ST8SIA5: variants seen among roughly 807,000 people sequenced by gnomAD.
ST8SIA5 encodes alpha-2,8-sialyltransferase 8E.
In ST8SIA5, 24 loss-of-function variants were observed where a neutral mutation model predicts 40.2. That is an observed-to-expected ratio of 0.60 (90% CI 0.43 to 0.84). The LOEUF is 0.84. Ranked by LOEUF, ST8SIA5 falls within the 40% of genes least tolerant of loss-of-function variation. ST8SIA5 has a pLI of 0.00. For missense variants in ST8SIA5, 465 were observed against 498.5 expected, an observed-to-expected ratio of 0.93 and a Z score of 0.64; for synonymous variants, 198 against 201.8, an observed-to-expected ratio of 0.98 and a Z score of 0.16.
chr18:46,737,274 T>C (rs770539013), intron 1 of ST8SIA5, among the ~76,000 whole-genome samples: 6 of 152,096 alleles, frequency 3.9e-5, no homozygotes, highest in Admixed American at 6.6e-5. Flanking sequence ...CCCCGCCCCA[T>C]TGCTGTCTCC....
At chr18:46,721,383 C>G (rs1291095070) in intron 1 of ST8SIA5, 1 of 1,536,150 alleles carries the variant, frequency 6.5e-7, no homozygotes, top group Non-Finnish European at 8.7e-7. Flanking sequence ...GTCACTGCCG[C>G]TCTGCACTGC....
In ST8SIA5 at chr18:46,677,196, AG is replaced by A. The variant is rs1327366489; in HGVS notation, c.*2845del. 2 of 152,214 alleles carry A rather than the reference AG, an allele frequency of 1.3e-5. No individual in the cohort carries two copies. Among genetic ancestry groups the A allele is most frequent in the Non-Finnish European group, 2.9e-5 (2 of 68,046 alleles). 9.4% of individuals were successfully genotyped at this position (152,214 alleles called of 1,614,324 possible). On this transcript the variant is annotated 3_prime_UTR_variant, in exon 7 of 7. Coordinates refer to ENST00000315087, the MANE Select transcript of ST8SIA5 (RefSeq NM_013305.6). ...GGAGGAGGGCCCCGTACTATCCTGC[AG>A]GGGCATCTTGGTCAGGATCCCTCAT... is the stretch of plus-strand genomic sequence containing the variant.
At chr18:46,728,444 C>T (rs756688757) in intron 1 of ST8SIA5, among the ~76,000 whole-genome samples, 2 of 152,208 alleles carry the variant, frequency 1.3e-5, no homozygotes, top group African/African-American at 2.4e-5. Flanking sequence ...CAAGCATCCG[C>T]GAGTGCCCAC....
At position 46,692,070 on chromosome 18, in the gene ST8SIA5, C is replaced by G; in HGVS notation, c.311+99G>C. 2.4e-6 allele frequency: 3 copies of G among 1,268,334 alleles called. No individual in the cohort carries two copies. In the South Asian group the frequency reaches 3.7e-5, roughly 15 times the overall value. The allele number at this position is 1,268,334 out of a possible 1,614,324, so 78.6% of individuals were successfully genotyped here. A position where few individuals can be genotyped will look rare whatever the true frequency, so the allele number is the denominator to read the frequency against. On this transcript the variant is annotated intron_variant, in intron 3 of 6. Transcript: ENST00000315087. The stretch of plus-strand genomic sequence containing the variant: ...GTCAGGGTCTGCTCTGGGGAAGATG[C>G]ACGCTGAGAGCTGGGCCTTGCAGGA...
At chr18:46,721,466 G>C (rs1442971119) in intron 1 of ST8SIA5, 1 of 1,535,956 alleles carries the variant, frequency 6.5e-7, no homozygotes, top group Non-Finnish European at 8.7e-7. Context: ...CAAACTGGAG[G>C]CCTCTGGCAA....
chr18:46,724,348 T>C (rs1215653926), intron 1 of ST8SIA5, among the ~76,000 whole-genome samples: 1 of 152,242 alleles, frequency 6.6e-6, no homozygotes, highest in Non-Finnish European at 1.5e-5. Flanking sequence ...GTAGACCCTG[T>C]TCTCATACTC....
chr18:46,732,391 G>A (rs558739968), intron 1 of ST8SIA5, among the ~76,000 whole-genome samples: 16 of 152,190 alleles, frequency 1.1e-4, no homozygotes, highest in Non-Finnish European at 1.9e-4. Context: ...ATCCTGTCCC[G>A]GGAGTCAGTT....
At position 46,732,004 on chromosome 18, in the gene ST8SIA5, C is replaced by A. The variant is rs537223224; in HGVS notation, c.131+24374G>T. ...ACAAGAACAGGGGAGGGTGTCTGTG[C>A]TGCCCAAGTTGTGGGAAGACAGGCC... is the stretch of plus-strand genomic sequence containing the variant. On this transcript the variant is annotated intron_variant, in intron 1 of 6. Coordinates refer to ENST00000315087, the MANE Select transcript of ST8SIA5 (RefSeq NM_013305.6). Among the ~76,000 whole-genome samples the A allele has an allele frequency of 6.0e-4, 92 of 152,300 alleles. 2 individuals carry two copies. Among genetic ancestry groups the A allele is most frequent in the African/African-American group, 2.0e-3 (84 of 41,560 alleles).
intron 1 of ST8SIA5, among the ~76,000 whole-genome samples, chr18:46,717,353 T>TA (rs935948999): frequency 1.3e-5 from 2 of 151,728 alleles, no homozygotes; most frequent in Admixed American, 6.6e-5. Flanking sequence ...CTTTTTTTTT[T>TA]AGACGGAGTT....
At chr18:46,686,120 A>G in intron 5 of ST8SIA5, 54 bp downstream of exon 5, 6 of 1,548,822 alleles carry the variant, frequency 3.9e-6, no homozygotes, top group Non-Finnish European at 4.5e-6. Context: ...GGGGAAGAAT[A>G]TGGAGGAGAG....
chr18:46,732,046 C>T (rs988826991), intron 1 of ST8SIA5, among the ~76,000 whole-genome samples: 12 of 152,174 alleles, frequency 7.9e-5, no homozygotes, highest in African/African-American at 2.9e-4. Flanking sequence ...TGCCACTTTG[C>T]TCATTTGTCC....
intron 2 of ST8SIA5, among the ~76,000 whole-genome samples, chr18:46,699,659 A>G (rs328112): frequency 0.89 from 135,627 of 152,266 alleles, 61,223 homozygotes; most frequent in Non-Finnish European, 0.97. Flanking sequence ...GATTACAGGC[A>G]TGAGCCACCG....
chr18:46,692,830 C>T (rs1182451494), intron 2 of ST8SIA5, among the ~76,000 whole-genome samples: 2 of 152,024 alleles, frequency 1.3e-5, no homozygotes, highest in African/African-American at 2.4e-5. Context: ...CCCACACCCT[C>T]AACCACCTCC....
intron 1 of ST8SIA5, among the ~76,000 whole-genome samples, chr18:46,711,157 A>G (rs1385512560): frequency 6.6e-6 from 1 of 152,174 alleles, no homozygotes; most frequent in Non-Finnish European, 1.5e-5. Context: ...CAGATAAATT[A>G]AGCCACATGC....
intron 1 of ST8SIA5, among the ~76,000 whole-genome samples, chr18:46,744,473 A>T (rs2040118883): frequency 6.6e-6 from 1 of 152,248 alleles, no homozygotes; most frequent in African/African-American, 2.4e-5. Context: ...AACGAAGGTC[A>T]TTTCATAATG....
chr18:46,704,249 T>C lies in ST8SIA5; in HGVS notation c.224+323A>G, dbSNP rs924902933. ...CTGAATTTCAGGCAAAACAGTCCTG[T>C]GCCCTCTTCAATTTCTACACAAGAG... On this transcript the variant is annotated intron_variant, in intron 2 of 6. Coordinates refer to ENST00000315087, the MANE Select transcript of ST8SIA5 (RefSeq NM_013305.6). Among the ~76,000 whole-genome samples the C allele has an allele frequency of 7.2e-5, 11 of 152,312 alleles. No homozygotes were observed. The South Asian group carries it at 1.0e-3, about 14-fold the overall frequency.
intron 1 of ST8SIA5, among the ~76,000 whole-genome samples, chr18:46,747,864 A>G (rs567755831): frequency 6.6e-6 from 1 of 152,370 alleles, no homozygotes; most frequent in Non-Finnish European, 1.5e-5. Context: ...ATTGTGGCAC[A>G]TATATACCAT....
intron 1 of ST8SIA5, among the ~76,000 whole-genome samples, chr18:46,713,699 T>C (rs2039756413): frequency 6.6e-6 from 1 of 152,042 alleles, no homozygotes; most frequent in South Asian, 2.1e-4. Context: ...ATGGGCCATA[T>C]GCAGTGCTGA....
intron 3 of ST8SIA5, 33 bp from the exon 4 acceptor site, chr18:46,688,952 G>C (rs749737947): frequency 1.3e-6 from 2 of 1,594,434 alleles, no homozygotes; most frequent in Admixed American, 3.5e-5. Flanking sequence ...GGAAAGACGT[G>C]ATGCAGGAAA....
Sources: gnomAD v4.1 joint callset for allele counts (sites outside exome capture counted in the v4.1 genomes callset) on GRCh38, gnomAD v4.1.1 for gene constraint, MANE v1.5 for transcripts, NCBI Gene and HGNC (gene_info 2026-07-23, HGNC 2026-07-21) for gene names.